LYRM4: variants seen among roughly 807,000 people sequenced by gnomAD.
LYRM4 encodes LYR motif-containing protein 4.
A neutral mutation model predicts 11.7 loss-of-function variants in LYRM4; 9 were observed. That is an observed-to-expected ratio of 0.77 (90% CI 0.46 to 1.34). The LOEUF (loss-of-function observed/expected upper bound fraction) is 1.34, where lower values mean the gene tolerates loss of function less well. Ranked by LOEUF, LYRM4 falls within the 40% of genes most tolerant of loss-of-function variation. LYRM4 has a pLI of 0.00. For missense variants in LYRM4, 133 were observed against 112.5 expected (o/e 1.18, Z -0.82); for synonymous variants, 42 against 40.4 (o/e 1.04, Z -0.15).
rs180749302 is a variant in LYRM4, at chr6:5,142,855, C to T, written c.208-33364G>A. 2.0e-5 allele frequency among the ~76,000 whole-genome samples: 3 copies of T among 152,320 alleles called. No individual in the cohort carries two copies. The East Asian group carries it at 5.8e-4, about 29-fold the overall frequency. ...CTCGTAACTTCAGTTTCTGGAATGC[C>T]TTTCCCTAAGGAGAGCGCAGCCATC... On this transcript the variant is annotated intron_variant, in intron 2 of 2. Coordinates refer to ENST00000330636, the MANE Select transcript of LYRM4 (RefSeq NM_020408.6).
At chr6:5,078,661 G>A in the LYRM4 span, among the ~76,000 whole-genome samples, 1 of 152,142 alleles carries the variant, frequency 6.6e-6, no homozygotes, top group African/African-American at 2.4e-5. Context: ...GAAAACAAAT[G>A]ATCCAGGCAA....
intron 2 of LYRM4, among the ~76,000 whole-genome samples, chr6:5,177,162 G>A (rs1465181425): frequency 6.6e-6 from 1 of 152,206 alleles, no homozygotes; most frequent in Admixed American, 6.5e-5. Flanking sequence ...TCTTCCCCGT[G>A]TGTTTAAAAG....
At chr6:5,196,145 C>T (rs1033259818) in intron 2 of LYRM4, among the ~76,000 whole-genome samples, 9 of 152,120 alleles carry the variant, frequency 5.9e-5, no homozygotes, top group African/African-American at 2.2e-4. Context: ...AACGTGGCTC[C>T]GACCCCGCAG....
intron 2 of LYRM4, among the ~76,000 whole-genome samples, chr6:5,211,187 G>A (rs960081182): frequency 6.6e-6 from 1 of 152,148 alleles, no homozygotes; most frequent in African/African-American, 2.4e-5. Flanking sequence ...AAAAGGATGA[G>A]AACTGTGGGT....
intron 2 of LYRM4, among the ~76,000 whole-genome samples, chr6:5,176,392 C>G (rs895138188): frequency 3.3e-5 from 5 of 152,176 alleles, no homozygotes; most frequent in Non-Finnish European, 2.9e-5. Flanking sequence ...GTGGTAGAAA[C>G]AGATTGTTGG....
At chr6:5,037,632 C>T in the LYRM4 span, among the ~76,000 whole-genome samples, 3 of 58,626 alleles carry the variant, frequency 5.1e-5, no homozygotes, top group African/African-American at 4.5e-5. Context: ...GCTGGCCGGG[C>T]GGGGGGCTGA....
At chr6:5,233,462 A>T (rs1182015656) in intron 1 of LYRM4, among the ~76,000 whole-genome samples, 2 of 152,226 alleles carry the variant, frequency 1.3e-5, no homozygotes, top group African/African-American at 4.8e-5. Context: ...ACCTGGATTC[A>T]TTCGCAGAAC....
At chr6:5,131,027 G>A (rs1763929216) in intron 2 of LYRM4, among the ~76,000 whole-genome samples, 1 of 152,098 alleles carries the variant, frequency 6.6e-6, no homozygotes, top group South Asian at 2.1e-4. Flanking sequence ...AACAAAACAA[G>A]ATGAAAACCC....
chr6:5,244,521 A>T (rs1165595062), intron 1 of LYRM4, among the ~76,000 whole-genome samples: 2 of 152,030 alleles, frequency 1.3e-5, no homozygotes, highest in African/African-American at 4.8e-5. Context: ...GAGGGGTGAG[A>T]GTGTTGGAAA....
At chr6:5,189,848 G>GTAC (rs1183553867) in intron 2 of LYRM4, among the ~76,000 whole-genome samples, 1 of 152,186 alleles carries the variant, frequency 6.6e-6, no homozygotes, top group East Asian at 1.9e-4. Context: ...TTTCCCTGTA[G>GTAC]TACTACTGTG....
intron 2 of LYRM4, among the ~76,000 whole-genome samples, chr6:5,154,716 G>A (rs1224853457): frequency 1.3e-5 from 2 of 152,192 alleles, no homozygotes; most frequent in Non-Finnish European, 2.9e-5. Flanking sequence ...CTACTCGGGA[G>A]GCTGAGGCAG....
chr6:5,080,906 A>C, the LYRM4 span, among the ~76,000 whole-genome samples: 33 of 152,314 alleles, frequency 2.2e-4, no homozygotes, highest in African/African-American at 7.9e-4. Flanking sequence ...AAACCACTGC[A>C]AATAGAGAAG....
Position 5,109,140 on chromosome 6 carries a change from C to A in LYRM4, c.*283G>T. On this transcript the variant is annotated 3_prime_UTR_variant, in exon 3 of 3. Coordinates refer to ENST00000330636, the MANE Select transcript of LYRM4 (RefSeq NM_020408.6). ...GTGTAGAAATGCTATACACAATGGTCATGAGCTACAAGGTAGGAATGGGGT... is the reference window on the plus strand; with the variant it reads ...GTGTAGAAATGCTATACACAATGGTAATGAGCTACAAGGTAGGAATGGGGT... 1 of 1,272,528 alleles carries A rather than the reference C, an allele frequency of 7.9e-7. No individual in the cohort carries two copies. Among genetic ancestry groups the A allele is most frequent in the South Asian group, 2.3e-5 (1 of 43,500 alleles). The allele number at this position is 1,272,528 out of a possible 1,614,324, so 78.8% of individuals were successfully genotyped here. A position where few individuals can be genotyped will look rare whatever the true frequency, so the allele number is the denominator to read the frequency against.
At chr6:5,254,724 T>A (rs886488471) in intron 1 of LYRM4, among the ~76,000 whole-genome samples, 3 of 152,134 alleles carry the variant, frequency 2.0e-5, no homozygotes, top group African/African-American at 7.2e-5. Flanking sequence ...CCTCTCATAC[T>A]CCAACTTGCC....
intron 1 of LYRM4, among the ~76,000 whole-genome samples, chr6:5,248,023 A>G (rs1211319214): frequency 1.3e-5 from 2 of 152,244 alleles, no homozygotes; most frequent in Non-Finnish European, 2.9e-5. Flanking sequence ...CTTTAAGATC[A>G]TGCCTGCAAT....
chr6:5,160,944 T>C (rs1335977429), intron 2 of LYRM4, among the ~76,000 whole-genome samples: 1 of 152,196 alleles, frequency 6.6e-6, no homozygotes, highest in Non-Finnish European at 1.5e-5. Context: ...CCTATGTTAA[T>C]AATATAGAAA....
the LYRM4 span, among the ~76,000 whole-genome samples, chr6:5,077,840 T>C: frequency 2.0e-5 from 3 of 152,162 alleles, no homozygotes; most frequent in African/African-American, 7.2e-5. Flanking sequence ...AGAAGCAAAA[T>C]TGAGTTAAAA....
intron 1 of LYRM4, among the ~76,000 whole-genome samples, chr6:5,232,655 T>C (rs552520230): frequency 6.6e-6 from 1 of 152,308 alleles, no homozygotes; most frequent in African/African-American, 2.4e-5. Flanking sequence ...TTGCAAATGG[T>C]GAAATAAGGA....
At chr6:5,111,581 C>G (rs1010906076) in intron 2 of LYRM4, among the ~76,000 whole-genome samples, 2 of 152,238 alleles carry the variant, frequency 1.3e-5, no homozygotes, top group African/African-American at 4.8e-5. Flanking sequence ...CAGATGGATT[C>G]CTTCCAACTC....
Sources: gnomAD v4.1 joint callset for allele counts (sites outside exome capture counted in the v4.1 genomes callset) on GRCh38, gnomAD v4.1.1 for gene constraint, MANE v1.5 for transcripts, NCBI Gene and HGNC (gene_info 2026-07-23, HGNC 2026-07-21) for gene names.